CDH4: variants seen among roughly 807,000 people sequenced by gnomAD.
The protein encoded by CDH4 is cadherin 4, also known as cadherin-4.
Under a neutral mutation model 86.0 loss-of-function variants are expected in CDH4, and 33 were observed. The ratio of observed to expected loss-of-function variants is 0.38; its 90% confidence interval spans 0.29 to 0.51. The LOEUF (loss-of-function observed/expected upper bound fraction) is 0.51, where lower values mean the gene tolerates loss of function less well. Ranked by LOEUF, CDH4 falls within the 20% of genes least tolerant of loss-of-function variation. The pLI, the probability that CDH4 is intolerant of heterozygous loss-of-function variation, is 0.86. For synonymous variants in CDH4, 555 were observed against 549.4 expected (o/e 1.01, Z -0.14); for missense variants, 1,114 against 1,307.4 (o/e 0.85, Z 2.28).
At chr20:61,635,355 G>C (rs932310150) in intron 2 of CDH4, among the ~76,000 whole-genome samples, 2 of 152,168 alleles carry the variant, frequency 1.3e-5, no homozygotes, top group Non-Finnish European at 2.9e-5. Flanking sequence ...ATGGTGCTGG[G>C]GCTTTTTGCA....
chr20:61,530,495 G>A (rs750896404), intron 2 of CDH4, among the ~76,000 whole-genome samples: 17 of 152,080 alleles, frequency 1.1e-4, no homozygotes, highest in Non-Finnish European at 2.1e-4. Context: ...GGATGCCGTG[G>A]CAAGGGGACC....
At position 61,600,306 on chromosome 20, in the gene CDH4, G is replaced by T. The variant is rs150597104; in HGVS notation, c.170-143257G>T. Among the ~76,000 whole-genome samples the T allele has an allele frequency of 7.8e-3, 1,192 of 152,348 alleles. 21 individuals are homozygous for T. Among genetic ancestry groups the T allele is most frequent in the African/African-American group, 0.026 (1,068 of 41,570 alleles). ...TTGCTTTCCCAGCTGTGAGCGTGCC[G>T]TATTTCCCAGGGTGGGGATGGCCCA... On this transcript the variant is annotated intron_variant, in intron 2 of 15. Transcript: ENST00000614565.
rs1444445171 is a variant in CDH4, at chr20:61,647,525, T to TC, written c.170-96038_170-96037insC. Among the ~76,000 whole-genome samples the TC allele has an allele frequency of 2.4e-3, 165 of 69,564 alleles. 6 individuals are homozygous for TC. Among genetic ancestry groups the TC allele is most frequent in the Middle Eastern group, 9.4e-3 (1 of 106 alleles). 45.6% of individuals were successfully genotyped at this position (69,564 alleles called of 152,430 possible). A position where few individuals can be genotyped will look rare whatever the true frequency, so the allele number is the denominator to read the frequency against. On this transcript the variant is annotated intron_variant, in intron 2 of 15. Coordinates refer to ENST00000614565, the MANE Select transcript of CDH4 (RefSeq NM_001794.5). ...AAACACATCAGTATGCACACACATA[T>TC]TCTCTCTCCCTCTCCCTCTCCCTCT...
intron 2 of CDH4, among the ~76,000 whole-genome samples, chr20:61,732,747 A>G (rs2088208764): frequency 1.3e-5 from 2 of 152,146 alleles, no homozygotes; most frequent in Non-Finnish European, 2.9e-5. Context: ...CTCGTCCCCC[A>G]CGCCTGTGAG....
chr20:61,729,554 A>G (rs2088154162), intron 2 of CDH4, among the ~76,000 whole-genome samples: 1 of 152,242 alleles, frequency 6.6e-6, no homozygotes, highest in African/African-American at 2.4e-5. Flanking sequence ...GGGAGCTGCA[A>G]ACAGGCTTGC....
chr20:61,606,826 C>CCT (rs1268436539), intron 2 of CDH4, among the ~76,000 whole-genome samples: 1 of 152,236 alleles, frequency 6.6e-6, no homozygotes, highest in African/African-American at 2.4e-5. Flanking sequence ...TGTGGCCTTG[C>CCT]CTGAAGGTCC....
chr20:61,662,807 G>T (rs565553780), intron 2 of CDH4, among the ~76,000 whole-genome samples: 1 of 152,174 alleles, frequency 6.6e-6, no homozygotes, highest in African/African-American at 2.4e-5. Context: ...GTTTCCTGCA[G>T]CACCCCAGGG....
At chr20:61,527,044 G>A (rs1167752620) in intron 2 of CDH4, among the ~76,000 whole-genome samples, 1 of 152,194 alleles carries the variant, frequency 6.6e-6, no homozygotes, top group Non-Finnish European at 1.5e-5. Context: ...TGGCCTCCGT[G>A]GTGTCTCTCT....
At chr20:61,495,714 C>A (rs141217919) in intron 2 of CDH4, among the ~76,000 whole-genome samples, 15 of 151,494 alleles carry the variant, frequency 9.9e-5, no homozygotes, top group African/African-American at 3.1e-4. Context: ...ACCACCCTGG[C>A]CAACATGGTG....
At chr20:61,305,894 C>T (rs893670429) in intron 2 of CDH4, among the ~76,000 whole-genome samples, 28 of 152,162 alleles carry the variant, frequency 1.8e-4, no homozygotes, top group African/African-American at 6.0e-4. Flanking sequence ...GATCGGCCCA[C>T]GGATTGATCT....
chr20:61,540,362 G>C (rs935351774), intron 2 of CDH4, among the ~76,000 whole-genome samples: 1 of 152,174 alleles, frequency 6.6e-6, no homozygotes, highest in Non-Finnish European at 1.5e-5. Context: ...CTTGAAAACT[G>C]TTCATGACGG....
At chr20:61,816,333 A>T (rs1980712279) in intron 4 of CDH4, among the ~76,000 whole-genome samples, 1 of 152,236 alleles carries the variant, frequency 6.6e-6, no homozygotes, top group African/African-American at 2.4e-5. Context: ...CTAAATAGAA[A>T]AGGGGCCATT....
chr20:61,702,997 T>C (rs944229338), intron 2 of CDH4, among the ~76,000 whole-genome samples: 1 of 152,208 alleles, frequency 6.6e-6, no homozygotes, highest in Non-Finnish European at 1.5e-5. Context: ...GAAGACTTCC[T>C]CAACAAGCCT....
At position 61,544,043 on chromosome 20, in the gene CDH4, C is replaced by T. The variant is rs373253881; in HGVS notation, c.170-199520C>T. On this transcript the variant is annotated intron_variant, in intron 2 of 15. Transcript: ENST00000614565. The surrounding 1 kb of genome is among the most constrained non-coding windows in gnomAD (Gnocchi z 6.5). ...GTCCCTGGAGGCTGCCCCACACCCC[C>T]GGCCCCACACCTGGCTCTTGGCACT... Among the ~76,000 whole-genome samples, 411 of 152,124 alleles carry T rather than the reference C, an allele frequency of 2.7e-3. 2 individuals carry two copies. Among genetic ancestry groups the T allele is most frequent in the African/African-American group, 9.4e-3 (389 of 41,510 alleles).
intron 2 of CDH4, among the ~76,000 whole-genome samples, chr20:61,643,206 G>T (rs755314621): frequency 6.6e-6 from 1 of 152,194 alleles, no homozygotes; most frequent in African/African-American, 2.4e-5. Context: ...TCACAGGGAG[G>T]GGGGGTGTAG....
intron 2 of CDH4, among the ~76,000 whole-genome samples, chr20:61,548,836 G>C (rs770155160): frequency 7.2e-5 from 11 of 152,218 alleles, no homozygotes; most frequent in African/African-American, 2.2e-4. Context: ...TAGAAGAATT[G>C]GCAGGTGATT....
intron 4 of CDH4, among the ~76,000 whole-genome samples, chr20:61,831,851 T>A (rs140725628): frequency 1.3e-5 from 2 of 152,386 alleles, no homozygotes; most frequent in Non-Finnish European, 2.9e-5. Context: ...GCATTTGCCT[T>A]CATTCCCACA....
chr20:61,295,418 G>A (rs1600842725), intron 2 of CDH4, among the ~76,000 whole-genome samples: 1 of 152,204 alleles, frequency 6.6e-6, no homozygotes, highest in African/African-American at 2.4e-5. Flanking sequence ...AGGGGATTGC[G>A]ACATTTGTCC....
chr20:61,342,017 T>C (rs1264417528), intron 2 of CDH4, among the ~76,000 whole-genome samples: 1 of 152,140 alleles, frequency 6.6e-6, no homozygotes. Flanking sequence ...TAGGCCATAG[T>C]GGGTGAGGCT....
Sources: allele counts gnomAD v4.1 joint callset (sites outside exome capture counted in the v4.1 genomes callset), GRCh38; gene constraint gnomAD v4.1.1; non-coding constraint Gnocchi (gnomAD v3.1); transcripts MANE v1.5; gene names NCBI Gene and HGNC (gene_info 2026-07-23, HGNC 2026-07-21).